The following TESK2 variants were observed in gnomAD, a reference collection of about 807,000 sequenced individuals.
The protein encoded by TESK2 is testis associated actin remodelling kinase 2.
Under a neutral mutation model 57.1 loss-of-function variants are expected in TESK2, and 39 were observed. That is an observed-to-expected ratio of 0.68 (90% CI 0.53 to 0.89). The LOEUF (loss-of-function observed/expected upper bound fraction) is 0.89. Ranked by LOEUF, TESK2 falls within the 40% of genes least tolerant of loss-of-function variation. The pLI, the probability that TESK2 is intolerant of heterozygous loss-of-function variation, is 0.00. For synonymous variants in TESK2, 249 were observed against 267.9 expected (o/e 0.93, Z 0.69); for missense variants, 646 against 732.1 (o/e 0.88, Z 1.36).
intron 3 of TESK2, among the ~76,000 whole-genome samples, chr1:45,404,248 T>A (rs942408729): frequency 6.6e-6 from 1 of 152,190 alleles, no homozygotes. Context: ...CTACTAAGTA[T>A]GTATCAAGCA....
intron 1 of TESK2, among the ~76,000 whole-genome samples, chr1:45,475,657 G>T (rs910402114): frequency 6.6e-6 from 1 of 152,186 alleles, no homozygotes; most frequent in Non-Finnish European, 1.5e-5. Context: ...GCAAAGTATT[G>T]TTCCTAGTGT....
intron 5 of TESK2, among the ~76,000 whole-genome samples, chr1:45,354,902 G>A (rs1387448620): frequency 6.8e-6 from 1 of 146,202 alleles, no homozygotes; most frequent in Non-Finnish European, 1.5e-5. Flanking sequence ...ATAGGCTTAT[G>A]GTGGGGCACA....
Position 45,415,009 on chromosome 1 carries a change from C to T in TESK2, c.344+6716G>A, listed in dbSNP as rs181704619. The T allele has an allele frequency of 3.2e-4, 285 of 882,610 alleles. 3 individuals carry two copies. In the African/African-American group the frequency reaches 3.7e-3, roughly 12 times the overall value. The allele number at this position is 882,610 out of a possible 1,614,324, so 54.7% of individuals were successfully genotyped here. A position where few individuals can be genotyped will look rare whatever the true frequency, so the allele number is the denominator to read the frequency against. On this transcript the variant is annotated intron_variant, in intron 3 of 10. Transcript: ENST00000372086. ...ACACTGCTGCCACCGCCAGGAGCCC[C>T]GTACTATCAGCCATGGTCAACCCCA...
At chr1:45,460,813 T>C (rs895644613) in intron 1 of TESK2, among the ~76,000 whole-genome samples, 2 of 152,164 alleles carry the variant, frequency 1.3e-5, no homozygotes, top group African/African-American at 2.4e-5. Context: ...TTAGAGCCAG[T>C]AGAAAACATC....
chr1:45,389,222 T>C (rs1381127451), intron 3 of TESK2, among the ~76,000 whole-genome samples: 1 of 152,166 alleles, frequency 6.6e-6, no homozygotes, highest in Non-Finnish European at 1.5e-5. Flanking sequence ...AAGACTAGCC[T>C]GGGCAATATA....
rs564274652 is a variant in TESK2 at position 45,360,140 on chromosome 1, C to T, written c.394-4691G>A. ...AAAATCTTAAAATAAGGCATAATGA[C>T]GGCATAAGCACAGCGCCTTGCTCTC... On this transcript the variant is annotated intron_variant, in intron 4 of 10. Transcript: ENST00000372086. Among the ~76,000 whole-genome samples, 8 of 152,214 alleles carry T rather than the reference C, an allele frequency of 5.3e-5. No individual in the cohort carries two copies. The South Asian group carries it at 1.2e-3, about 24-fold the overall frequency.
chr1:45,348,637 C>G (rs1214263618), intron 5 of TESK2, among the ~76,000 whole-genome samples: 2 of 152,244 alleles, frequency 1.3e-5, no homozygotes, highest in African/African-American at 4.8e-5. Context: ...ACAGGTCCTT[C>G]AAGCCTTTGC....
intron 1 of TESK2, among the ~76,000 whole-genome samples, chr1:45,483,408 C>T (rs1382275804): frequency 1.3e-5 from 2 of 151,778 alleles, no homozygotes; most frequent in Non-Finnish European, 2.9e-5. Context: ...CCAGCCTGGC[C>T]AACATGGTGA....
At chr1:45,470,481 C>T (rs1288893606) in intron 1 of TESK2, among the ~76,000 whole-genome samples, 1 of 152,238 alleles carries the variant, frequency 6.6e-6, no homozygotes, top group African/African-American at 2.4e-5. Flanking sequence ...AGCATAAAAA[C>T]TGGCATCCCT....
chr1:45,388,928 G>A (rs1389844375), intron 3 of TESK2, among the ~76,000 whole-genome samples: 1 of 152,002 alleles, frequency 6.6e-6, no homozygotes, highest in African/African-American at 2.4e-5. Context: ...CACCGTGTTA[G>A]CTGAGATGGT....
chr1:45,413,292 C>A (rs1650106710), intron 3 of TESK2, among the ~76,000 whole-genome samples: 1 of 152,070 alleles, frequency 6.6e-6, no homozygotes, highest in South Asian at 2.1e-4. Flanking sequence ...ACAAGTACTA[C>A]CTCTATGACT....
chr1:45,484,058 CCT>C (rs1255594622), intron 1 of TESK2, among the ~76,000 whole-genome samples: 2 of 150,430 alleles, frequency 1.3e-5, no homozygotes, highest in African/African-American at 2.4e-5. Flanking sequence ...CTTCCCAACC[CCT>C]GTTTTGTTCA....
intron 2 of TESK2, among the ~76,000 whole-genome samples, chr1:45,448,576 C>G (rs1265925699): frequency 6.6e-6 from 1 of 151,972 alleles, no homozygotes; most frequent in African/African-American, 2.4e-5. Context: ...GATCAAGAGA[C>G]AGAGAGGAGG....
chr1:45,400,692 A>T (rs577918904), intron 3 of TESK2, among the ~76,000 whole-genome samples: 1 of 152,294 alleles, frequency 6.6e-6, no homozygotes, highest in South Asian at 2.1e-4. Context: ...ATTAAAGCAT[A>T]AATGTCCTCC....
intron 4 of TESK2, among the ~76,000 whole-genome samples, chr1:45,360,715 T>C (rs1331970406): frequency 6.6e-6 from 1 of 152,234 alleles, no homozygotes; most frequent in Non-Finnish European, 1.5e-5. Flanking sequence ...GGTGAATACA[T>C]TAGTTGGGCT....
chr1:45,465,603 G>A (rs956094294), intron 1 of TESK2, among the ~76,000 whole-genome samples: 1 of 152,134 alleles, frequency 6.6e-6, no homozygotes, highest in African/African-American at 2.4e-5. Context: ...TTTTACAATA[G>A]CACAATAGAC....
intron 2 of TESK2, among the ~76,000 whole-genome samples, chr1:45,429,993 T>C (rs566023197): frequency 1.3e-4 from 20 of 152,194 alleles, no homozygotes; most frequent in African/African-American, 4.6e-4. Flanking sequence ...TTGGTACACT[T>C]ATTCTATTTT....
chr1:45,443,291 A>G (rs1326023865), intron 2 of TESK2, among the ~76,000 whole-genome samples: 1 of 151,734 alleles, frequency 6.6e-6, no homozygotes, highest in Non-Finnish European at 1.5e-5. Flanking sequence ...CTGGCCGGGC[A>G]TGGTGGTTCA....
At chr1:45,362,380 T>G (rs1385478657) in intron 4 of TESK2, among the ~76,000 whole-genome samples, 1 of 152,244 alleles carries the variant, frequency 6.6e-6, no homozygotes, top group Admixed American at 6.5e-5. Flanking sequence ...CTAGGGAATA[T>G]GTACCTCTCT....
Sources: allele counts gnomAD v4.1 joint callset (sites outside exome capture counted in the v4.1 genomes callset), GRCh38; gene constraint gnomAD v4.1.1; transcripts MANE v1.5; gene names NCBI Gene and HGNC (gene_info 2026-07-23, HGNC 2026-07-21).